The following CTSH variants were observed in gnomAD, a reference collection of about 807,000 sequenced individuals.
The protein encoded by CTSH is cathepsin H, also known as pro-cathepsin H.
Under a neutral mutation model 56.3 loss-of-function variants are expected in CTSH, and 52 were observed. The ratio of observed to expected loss-of-function variants is 0.92; its 90% CI spans 0.74 to 1.16. The LOEUF is 1.16. Among genes scored for constraint, CTSH ranks in the 50% most tolerant of loss-of-function variants. The pLI is 0.00. For synonymous variants in CTSH, 174 were observed against 155.7 expected (o/e 1.12, Z -0.88); for missense variants, 406 against 424.5 (o/e 0.96, Z 0.38).
chr15:78,933,591 C>G, intron 5 of CTSH: 1 of 452,020 alleles, frequency 2.2e-6, no homozygotes, highest in South Asian at 1.6e-5. Context: ...TGAGAGGGTC[C>G]ATGAGACAGT....
At chr15:78,936,225 C>G (rs2055174288) in intron 3 of CTSH, among the ~76,000 whole-genome samples, 1 of 145,360 alleles carries the variant, frequency 6.9e-6, no homozygotes, top group African/African-American at 2.5e-5. Context: ...CTCTGTCACC[C>G]AGGCTGGAGG....
intron 1 of CTSH, among the ~76,000 whole-genome samples, chr15:78,939,408 G>A (rs1360455128): frequency 6.6e-6 from 1 of 152,202 alleles, no homozygotes; most frequent in Non-Finnish European, 1.5e-5. Context: ...AAGTCAGGAT[G>A]GTGGTTATGC....
intron 2 of CTSH, 57 bp downstream of exon 2, chr15:78,939,083 G>C: frequency 6.7e-7 from 1 of 1,487,702 alleles, no homozygotes; most frequent in Non-Finnish European, 9.3e-7. Context: ...AGTTTGGTTT[G>C]ATAACAGGAA....
Position 78,929,403 on chromosome 15 carries a change from T to TG in CTSH, c.630+8dup. Reference sequence around the variant, plus strand: ...GCCAAGAAGACAGAGTGGAGGCTGTTGGAGTTACCTTGCCCTGGTAGGGGT... The same window carrying TG: ...GCCAAGAAGACAGAGTGGAGGCTGTTGGGAGTTACCTTGCCCTGGTAGGGGT... On this transcript the variant is annotated intron_variant, in intron 8 of 11. Transcript: ENST00000220166. 2 of 1,608,694 alleles carry TG rather than the reference T, an allele frequency of 1.2e-6. No homozygotes were observed. Among genetic ancestry groups the TG allele is most frequent in the Non-Finnish European group, 1.7e-6 (2 of 1,175,820 alleles).
Position 78,929,544 on chromosome 15 carries a change from CG to C in CTSH, c.549-52del, listed in dbSNP as rs375075427. ...CCACCTGGGGCTGTCCTGATAGAGG[CG>C]GGGCCCTCGGGGACTGGCGTGGCGA... On this transcript the variant is annotated intron_variant, in intron 7 of 11. Coordinates refer to ENST00000220166, the MANE Select transcript of CTSH (RefSeq NM_004390.5). 1,459 of 1,305,396 alleles carry C rather than the reference CG, an allele frequency of 1.1e-3. 8 individuals are homozygous for C. The highest frequency in any genetic ancestry group is 9.8e-3 in the African/African-American group (658 of 67,052). The allele number at this position is 1,305,396 out of a possible 1,614,324, so 80.9% of individuals were successfully genotyped here.
chr15:78,925,628 C>T (rs2054887869), intron 9 of CTSH, 188 bp from the exon 10 acceptor site: 2 of 535,890 alleles, frequency 3.7e-6, no homozygotes, highest in Admixed American at 2.9e-5. Flanking sequence ...TCGTTCCTCT[C>T]CCCAACTCTG....
Position 78,922,127 on chromosome 15 carries a change from G to C in CTSH, c.*3C>G. ...CGCCAGTCTGCGCTGCGGCTGCCAC[G>C]GCTCACACCAGAGGGATGGGGTAGG... On this transcript the variant is annotated 3_prime_UTR_variant, in exon 12 of 12. Transcript: ENST00000220166. 6.4e-7 allele frequency: 1 copy of C among 1,564,642 alleles called. No homozygotes were observed. The highest frequency in any genetic ancestry group is 8.7e-7 in the Non-Finnish European group (1 of 1,155,358).
intron 5 of CTSH, among the ~76,000 whole-genome samples, chr15:78,932,897 T>C (rs1385808747): frequency 6.6e-6 from 1 of 152,084 alleles, no homozygotes; most frequent in Non-Finnish European, 1.5e-5. Flanking sequence ...TGCAGAAGGA[T>C]GCCCCAAAGT....
chr15:78,934,634 G>C (rs1453644667), intron 5 of CTSH, among the ~76,000 whole-genome samples: 1 of 152,262 alleles, frequency 6.6e-6, no homozygotes, highest in Non-Finnish European at 1.5e-5. Context: ...GAGGCGGGAA[G>C]AGGAGATGCA....
At chr15:78,933,459 T>C in intron 5 of CTSH, 1 of 398,182 alleles carries the variant, frequency 2.5e-6, no homozygotes. Context: ...AGCTTCTACT[T>C]CTGAAATGTC....
Position 78,939,181 on chromosome 15 carries a change from GAA to G in CTSH, c.92-12_92-11del, listed in dbSNP as rs35398112. The stretch of plus-strand genomic sequence containing the variant: ...TTGAAGTGAAACTTCTCTGTAAAAA[GAA>G]AAAAAAAATTAGGTCTGGGCGCATC... On this transcript the variant is annotated splice_polypyrimidine_tract_variant and intron_variant, in intron 1 of 11. Transcript: ENST00000220166. 2.1e-6 allele frequency: 3 copies of G among 1,395,510 alleles called. No homozygotes were observed. The South Asian group carries it at 4.0e-5, about 18-fold the overall frequency. 86.4% of individuals were successfully genotyped at this position (1,395,510 alleles called of 1,614,324 possible). A position where few individuals can be genotyped will look rare whatever the true frequency, so the allele number is the denominator to read the frequency against.
intron 10 of CTSH, among the ~76,000 whole-genome samples, chr15:78,923,957 C>T (rs1323979154): frequency 6.6e-6 from 1 of 152,128 alleles, no homozygotes; most frequent in African/African-American, 2.4e-5. Flanking sequence ...GGGATCCAGG[C>T]AGCATGCATA....
chr15:78,921,706 C>A lies in CTSH; in HGVS notation c.*424G>T, dbSNP rs754418972. On this transcript the variant is annotated 3_prime_UTR_variant, in exon 12 of 12. Coordinates refer to ENST00000220166, the MANE Select transcript of CTSH (RefSeq NM_004390.5). ...CTGGACACCCCCTGATGCCTCCCTC[C>A]TGGGAGACTGAGTGGCGAGGACAGA... 5 of 160,322 alleles carry A rather than the reference C, an allele frequency of 3.1e-5. No individual in the cohort carries two copies. Among genetic ancestry groups the A allele is most frequent in the South Asian group, 3.6e-4 (2 of 5,524 alleles). 9.9% of individuals were successfully genotyped at this position (160,322 alleles called of 1,614,324 possible). A position where few individuals can be genotyped will look rare whatever the true frequency, so the allele number is the denominator to read the frequency against.
intron 5 of CTSH, 194 bp downstream of exon 5, chr15:78,934,784 A>G: frequency 3.0e-6 from 2 of 672,670 alleles, no homozygotes; most frequent in East Asian, 5.6e-5. Context: ...GAACTTTTGC[A>G]TCCTCCAGAG....
chr15:78,931,780 G>A (rs558915441), intron 6 of CTSH: 16 of 1,382,544 alleles, frequency 1.2e-5, no homozygotes, highest in African/African-American at 8.7e-5. Context: ...CCCCTGCCCC[G>A]TAGGTGTGCC....
intron 10 of CTSH, 150 bp from the exon 11 acceptor site, chr15:78,923,268 G>C: frequency 1.2e-6 from 1 of 802,724 alleles, no homozygotes; most frequent in South Asian, 1.7e-5. Flanking sequence ...ATCACATTTA[G>C]TCTCCGTGAG....
Position 78,925,447 on chromosome 15 carries a change from A to C in CTSH, c.700-7T>G. On this transcript the variant is annotated splice_polypyrimidine_tract_variant and splice_region_variant and intron_variant, in intron 9 of 11. Coordinates refer to ENST00000220166, the MANE Select transcript of CTSH (RefSeq NM_004390.5). ...CCATCGCTTCCTCGTCATACTGTGG[A>C]AACAGGACCGAGACAGAAACACATG... 1 of 1,595,460 alleles carries C rather than the reference A, an allele frequency of 6.3e-7. No individual in the cohort carries two copies. The highest frequency in any genetic ancestry group is 8.6e-7 in the Non-Finnish European group (1 of 1,163,252).
At chr15:78,944,856 C>G in intron 1 of CTSH, 35 bp downstream of exon 1, 1 of 1,541,320 alleles carries the variant, frequency 6.5e-7, no homozygotes, top group Non-Finnish European at 8.8e-7. Context: ...CTAGGGCCTG[C>G]TAGCACCCTC....
At position 78,944,779 on chromosome 15, in the gene CTSH, G is replaced by A. The variant is rs963838966; in HGVS notation, c.91+112C>T. 5 of 1,384,880 alleles carry A rather than the reference G, an allele frequency of 3.6e-6. No individual in the cohort carries two copies. The African/African-American group carries it at 4.5e-5, about 12-fold the overall frequency. The allele number at this position is 1,384,880 out of a possible 1,614,324, so 85.8% of individuals were successfully genotyped here. On this transcript the variant is annotated intron_variant, in intron 1 of 11. Transcript: ENST00000220166. ...CACGCAGAGTTCCTGGCCTCTCACCGGGGAAAGCTCTGCCCCGTTCCTCCG... is the reference window on the plus strand; with the variant it reads ...CACGCAGAGTTCCTGGCCTCTCACCAGGGAAAGCTCTGCCCCGTTCCTCCG...
Sources: gnomAD v4.1 joint callset for allele counts (sites outside exome capture counted in the v4.1 genomes callset) on GRCh38, gnomAD v4.1.1 for gene constraint, MANE v1.5 for transcripts, NCBI Gene and HGNC (gene_info 2026-07-23, HGNC 2026-07-21) for gene names.